Variants in MEF2A observed in about 807,000 individuals in gnomAD.
The protein encoded by MEF2A is myocyte enhancer factor 2A, also known as myocyte-specific enhancer factor 2A.
Under a neutral mutation model 55.8 loss-of-function variants are expected in MEF2A, and 28 were observed. That is an observed-to-expected ratio of 0.50 (90% CI 0.37 to 0.69). MEF2A has a LOEUF of 0.69. MEF2A is among the 30% of genes least tolerant of loss of function. The pLI is 0.00. For missense variants in MEF2A, 528 were observed against 626.2 expected (o/e 0.84, Z 1.67); for synonymous variants, 239 against 227.1 (o/e 1.05, Z -0.47).
chr15:99,631,341 AT>A (rs1555465043), intron 2 of MEF2A, among the ~76,000 whole-genome samples: 1 of 152,194 alleles, frequency 6.6e-6, no homozygotes, highest in Non-Finnish European at 1.5e-5. Flanking sequence ...TAAAAGAAAT[AT>A]TCTACAACAC....
At chr15:99,684,588 G>A (rs1398262972) in intron 7 of MEF2A, among the ~76,000 whole-genome samples, 2 of 152,110 alleles carry the variant, frequency 1.3e-5, no homozygotes, top group Non-Finnish European at 2.9e-5. Flanking sequence ...TGAGTTCCTT[G>A]TAGATTCTGG....
chr15:99,711,132 C>T (rs1277121011), intron 11 of MEF2A, among the ~76,000 whole-genome samples: 1 of 152,220 alleles, frequency 6.6e-6, no homozygotes, highest in African/African-American at 2.4e-5. Flanking sequence ...CAAGCACCTG[C>T]CTCTGGCTGC....
chr15:99,616,755 A>G (rs929705154), intron 2 of MEF2A, among the ~76,000 whole-genome samples: 2 of 152,148 alleles, frequency 1.3e-5, no homozygotes, highest in African/African-American at 2.4e-5. Flanking sequence ...TCTTTTGGGT[A>G]CCGGATATCT....
intron 1 of MEF2A, among the ~76,000 whole-genome samples, chr15:99,584,294 A>G (rs1365855802): frequency 6.6e-6 from 1 of 152,168 alleles, no homozygotes; most frequent in Non-Finnish European, 1.5e-5. Context: ...GCAGTGATAC[A>G]GAAAATCTGA....
chr15:99,599,166 A>T (rs1169850417), intron 2 of MEF2A, among the ~76,000 whole-genome samples: 1 of 152,158 alleles, frequency 6.6e-6, no homozygotes, highest in Admixed American at 6.5e-5. Flanking sequence ...TAGTCCTCAA[A>T]AGTTTTCATG....
intron 4 of MEF2A, among the ~76,000 whole-genome samples, chr15:99,661,863 A>G (rs2048702840): frequency 6.6e-6 from 1 of 152,166 alleles, no homozygotes; most frequent in African/African-American, 2.4e-5. Flanking sequence ...TTATAGATTC[A>G]AAAGATTGAA....
Position 99,659,956 on chromosome 15 carries a change from A to G in MEF2A, c.259-11367A>G, listed in dbSNP as rs144328060. On this transcript the variant is annotated intron_variant, in intron 4 of 11. Coordinates refer to ENST00000557942, the MANE Select transcript of MEF2A (RefSeq NM_001319206.4). ...AAACTACAAGTCCAGATGGCTGCAT[A>G]AGAAAATACTAGCAAATTTTTAAGA... Among the ~76,000 whole-genome samples the G allele has an allele frequency of 7.9e-5, 12 of 152,370 alleles. No homozygotes were observed. In the East Asian group the frequency reaches 2.3e-3, roughly 29 times the overall value.
chr15:99,680,463 T>C (rs2053029477), intron 7 of MEF2A, among the ~76,000 whole-genome samples: 1 of 152,206 alleles, frequency 6.6e-6, no homozygotes, highest in Non-Finnish European at 1.5e-5. Flanking sequence ...TTTTGTGGCA[T>C]TGTAAATTAG....
chr15:99,629,674 G>A (rs914889841), intron 2 of MEF2A, among the ~76,000 whole-genome samples: 1 of 151,972 alleles, frequency 6.6e-6, no homozygotes, highest in Non-Finnish European at 1.5e-5. Flanking sequence ...AAAGGCCGGG[G>A]TGGGGGTACT....
chr15:99,676,982 G>T (rs1015315253), intron 7 of MEF2A, among the ~76,000 whole-genome samples: 1 of 152,014 alleles, frequency 6.6e-6, no homozygotes, highest in Admixed American at 6.6e-5. Context: ...TTAGCCGGAC[G>T]TGGTGGCAAG....
At chr15:99,624,893 A>G (rs955509185) in intron 2 of MEF2A, among the ~76,000 whole-genome samples, 8 of 151,882 alleles carry the variant, frequency 5.3e-5, no homozygotes, top group Middle Eastern at 6.8e-3. Context: ...TCCTTGTTTC[A>G]TTTTCTAAGT....
intron 1 of MEF2A, among the ~76,000 whole-genome samples, chr15:99,586,944 G>A (rs1190991671): frequency 6.6e-6 from 1 of 152,042 alleles, no homozygotes; most frequent in Non-Finnish European, 1.5e-5. Context: ...GACCGTATTT[G>A]TGTAGATTTA....
At chr15:99,637,868 CT>C (rs2044166868) in intron 3 of MEF2A, among the ~76,000 whole-genome samples, 2 of 152,160 alleles carry the variant, frequency 1.3e-5, no homozygotes, top group Admixed American at 6.5e-5. Context: ...TGGTCTTGAT[CT>C]CCTGACCTCG....
chr15:99,657,376 G>A (rs2047915017), intron 4 of MEF2A: 1 of 151,600 alleles, frequency 6.6e-6, no homozygotes, highest in South Asian at 2.1e-4. Context: ...TTAGAAAATG[G>A]TTGATTTTTT....
chr15:99,690,707 AAGAT>A (rs2153719276), intron 8 of MEF2A: 1 of 522,428 alleles, frequency 1.9e-6, no homozygotes, highest in East Asian at 4.9e-5. Context: ...CAGGCATAGA[AAGAT>A]AGATACTGCA....
At chr15:99,613,832 T>C (rs1221342139) in intron 2 of MEF2A, among the ~76,000 whole-genome samples, 2 of 152,228 alleles carry the variant, frequency 1.3e-5, no homozygotes, top group Non-Finnish European at 2.9e-5. Context: ...TCCTTCCACA[T>C]GCTCTAGTTT....
intron 1 of MEF2A, among the ~76,000 whole-genome samples, chr15:99,580,836 T>C (rs148930105): frequency 6.0e-4 from 91 of 152,318 alleles, no homozygotes; most frequent in African/African-American, 1.9e-3. Context: ...TTAAACTTCA[T>C]TACCTCTTTA....
At chr15:99,589,061 A>G (rs1449688349) in intron 1 of MEF2A, among the ~76,000 whole-genome samples, 1 of 152,104 alleles carries the variant, frequency 6.6e-6, no homozygotes, top group African/African-American at 2.4e-5. Flanking sequence ...TATCAGGGTT[A>G]TTTATACTGG....
chr15:99,637,255 G>A (rs2044045500), intron 3 of MEF2A, among the ~76,000 whole-genome samples: 1 of 151,834 alleles, frequency 6.6e-6, no homozygotes, highest in African/African-American at 2.4e-5. Context: ...CTGGATGTAG[G>A]GATCTATTTA....
Sources: allele counts gnomAD v4.1 joint callset (sites outside exome capture counted in the v4.1 genomes callset), GRCh38; gene constraint gnomAD v4.1.1; transcripts MANE v1.5; gene names NCBI Gene and HGNC (gene_info 2026-07-23, HGNC 2026-07-21).